UBE2W: variants seen among roughly 807,000 people sequenced by gnomAD.
The protein encoded by UBE2W is ubiquitin-conjugating enzyme E2 W.
Under a neutral mutation model 27.2 loss-of-function variants are expected in UBE2W, and 18 were observed. The ratio of observed to expected loss-of-function variants is 0.66; its 90% confidence interval spans 0.46 to 0.98. The LOEUF (loss-of-function observed/expected upper bound fraction) is 0.98, where lower values mean the gene tolerates loss of function less well. UBE2W is among the 50% of genes least tolerant of loss of function. UBE2W has a pLI of 0.00. For synonymous variants in UBE2W, 53 were observed against 57.2 expected (o/e 0.93, Z 0.33); for missense variants, 90 against 180.2 (o/e 0.50, Z 2.87).
chr8:73,797,420 T>A (rs1024780300), intron 5 of UBE2W, among the ~76,000 whole-genome samples: 3 of 152,046 alleles, frequency 2.0e-5, no homozygotes, highest in Non-Finnish European at 4.4e-5. Context: ...ACGAACCAAT[T>A]CAAGAGATAT....
At chr8:73,807,788 A>T (rs1395087192) in intron 4 of UBE2W, among the ~76,000 whole-genome samples, 1 of 152,200 alleles carries the variant, frequency 6.6e-6, no homozygotes, top group Non-Finnish European at 1.5e-5. Context: ...GAAATACTCA[A>T]TTCTATTTGC....
chr8:73,854,934 G>A (rs1586528502), intron 1 of UBE2W, among the ~76,000 whole-genome samples: 2 of 152,320 alleles, frequency 1.3e-5, no homozygotes, highest in East Asian at 3.9e-4. Context: ...TCGTAAGGAA[G>A]AGAAAATACA....
Position 73,805,454 on chromosome 8 carries a change from C to CAAAAAAAAAAAAAAA in UBE2W, c.442+182_442+196dup, listed in dbSNP as rs1162712227. On this transcript the variant is annotated intron_variant, in intron 5 of 5. Coordinates refer to ENST00000602593, the MANE Select transcript of UBE2W (RefSeq NM_018299.6). ...GGGCAACAAGAGCAAAACTCCATCT[C>CAAAAAAAAAAAAAAA]AAAAAAAAAAAAAAAAACAAAAAAA... Among the ~76,000 whole-genome samples, 61 of 14,552 alleles carry CAAAAAAAAAAAAAAA rather than the reference C, an allele frequency of 4.2e-3. 12 individuals are homozygous for CAAAAAAAAAAAAAAA. Among genetic ancestry groups the CAAAAAAAAAAAAAAA allele is most frequent in the Non-Finnish European group, 4.9e-3 (38 of 7,760 alleles). The allele number at this position is 14,552 out of a possible 152,430, so 9.5% of individuals were successfully genotyped here.
chr8:73,801,107 AAG>A (rs1160138428), intron 5 of UBE2W, among the ~76,000 whole-genome samples: 1 of 152,120 alleles, frequency 6.6e-6, no homozygotes, highest in African/African-American at 2.4e-5. Flanking sequence ...GAAAAAGAAA[AAG>A]AATAAGAACT....
intron 1 of UBE2W, among the ~76,000 whole-genome samples, chr8:73,856,203 T>C (rs891658262): frequency 1.3e-5 from 2 of 152,126 alleles, no homozygotes; most frequent in South Asian, 2.1e-4. Context: ...TTAAAACTCA[T>C]GTCATCATTA....
intron 1 of UBE2W, among the ~76,000 whole-genome samples, chr8:73,875,247 C>A (rs574325163): frequency 6.6e-6 from 1 of 152,296 alleles, no homozygotes; most frequent in Admixed American, 6.5e-5. Context: ...GCGTCCCCAG[C>A]ATTTACAGGT....
In UBE2W at chr8:73,787,128, A is replaced by G. The variant is rs1807989704; in HGVS notation, c.*6974T>C. On this transcript the variant is annotated 3_prime_UTR_variant, in exon 6 of 6. Coordinates refer to ENST00000602593, the MANE Select transcript of UBE2W (RefSeq NM_018299.6). ...GATTCCCACTTATGTATTTTGCATT[A>G]TGCAGGCAAACATTAAAAATAAATC... 1.0e-6 allele frequency: 1 copy of G among 985,354 alleles called. No homozygotes were observed. Among genetic ancestry groups the G allele is most frequent in the African/African-American group, 1.7e-5 (1 of 57,256 alleles). 61.0% of individuals were successfully genotyped at this position (985,354 alleles called of 1,614,324 possible).
chr8:73,849,180 G>A (rs1436014938), intron 1 of UBE2W, among the ~76,000 whole-genome samples: 1 of 152,040 alleles, frequency 6.6e-6, no homozygotes, highest in Non-Finnish European at 1.5e-5. Flanking sequence ...AAAAATAACA[G>A]TAAAATAAGT....
At chr8:73,804,911 C>T (rs1253589003) in intron 5 of UBE2W, among the ~76,000 whole-genome samples, 4 of 151,658 alleles carry the variant, frequency 2.6e-5, no homozygotes, top group African/African-American at 7.3e-5. Flanking sequence ...TTAGTAGAGA[C>T]GAAGTTTCAC....
At chr8:73,795,482 A>C (rs1414451896) in intron 5 of UBE2W, among the ~76,000 whole-genome samples, 1 of 152,178 alleles carries the variant, frequency 6.6e-6, no homozygotes, top group Non-Finnish European at 1.5e-5. Flanking sequence ...GCTTCTCTAC[A>C]GTCTTCCAAA....
chr8:73,849,752 A>T (rs1199109343), intron 1 of UBE2W, among the ~76,000 whole-genome samples: 1 of 152,078 alleles, frequency 6.6e-6, no homozygotes, highest in African/African-American at 2.4e-5. Flanking sequence ...TTGGTTAAAA[A>T]GTATAGTTAT....
intron 5 of UBE2W, among the ~76,000 whole-genome samples, chr8:73,803,648 C>CTTAA (rs1341513051): frequency 2.6e-5 from 4 of 152,058 alleles, no homozygotes; most frequent in Non-Finnish European, 5.9e-5. Flanking sequence ...TTTCACAGCT[C>CTTAA]TTAAAGTTTT....
At chr8:73,830,049 AAT>A (rs766582990) in intron 2 of UBE2W, among the ~76,000 whole-genome samples, 34 of 152,040 alleles carry the variant, frequency 2.2e-4, no homozygotes, top group Admixed American at 7.2e-4. Context: ...ACATATTTTT[AAT>A]TTGATAAAAC....
At chr8:73,813,591 G>T (rs1809264066) in intron 3 of UBE2W, among the ~76,000 whole-genome samples, 1 of 152,170 alleles carries the variant, frequency 6.6e-6, no homozygotes, top group African/African-American at 2.4e-5. Context: ...GGCCTAACCT[G>T]CCAGATACAG....
downstream of UBE2W, among the ~76,000 whole-genome samples, chr8:73,781,323 G>A (rs191635058): frequency 6.6e-6 from 1 of 151,328 alleles, no homozygotes; most frequent in Non-Finnish European, 1.5e-5. Context: ...TAGTTAATGG[G>A]CAATTAACCC....
At chr8:73,780,946 A>G (rs1001594986) in intron 4 of UBE2W, among the ~76,000 whole-genome samples, 1 of 152,142 alleles carries the variant, frequency 6.6e-6, no homozygotes, top group African/African-American at 2.4e-5. Context: ...GAAATAATTT[A>G]TTCATTGATT....
At chr8:73,846,463 T>A in intron 1 of UBE2W, among the ~76,000 whole-genome samples, 1 of 152,262 alleles carries the variant, frequency 6.6e-6, no homozygotes, top group South Asian at 2.1e-4. Context: ...TTTTTAGATT[T>A]AAAAAAATTT....
intron 1 of UBE2W, among the ~76,000 whole-genome samples, chr8:73,855,869 T>G (rs1223009833): frequency 6.6e-6 from 1 of 152,194 alleles, no homozygotes; most frequent in African/African-American, 2.4e-5. Flanking sequence ...CCTTTTAGTT[T>G]AAAAATCCCA....
chr8:73,792,126 A>C lies in UBE2W; in HGVS notation c.*1976T>G. The C allele has an allele frequency of 1.0e-6, 1 of 985,302 alleles. No homozygotes were observed. The highest frequency in any genetic ancestry group is 1.2e-6 in the Non-Finnish European group (1 of 829,782). 61.0% of individuals were successfully genotyped at this position (985,302 alleles called of 1,614,324 possible). On this transcript the variant is annotated 3_prime_UTR_variant, in exon 6 of 6. Transcript: ENST00000602593. ...GTTACGCAAAATATGAAAATACATA[A>C]TTTACAGCTGCAATTTTCATATTAA...
Sources: allele counts gnomAD v4.1 joint callset (sites outside exome capture counted in the v4.1 genomes callset), GRCh38; gene constraint gnomAD v4.1.1; transcripts MANE v1.5; gene names NCBI Gene and HGNC (gene_info 2026-07-23, HGNC 2026-07-21).